FBXO21: variants seen among roughly 807,000 people sequenced by gnomAD.
FBXO21 encodes F-box protein 21.
A neutral mutation model predicts 76.6 loss-of-function variants in FBXO21; 32 were observed. That is an observed-to-expected ratio of 0.42 (90% CI 0.32 to 0.56). FBXO21 has a LOEUF of 0.56. FBXO21 is among the 20% of genes least tolerant of loss of function. FBXO21 has a pLI of 0.16. For missense variants in FBXO21, 586 were observed against 797.3 expected, an observed-to-expected ratio of 0.73 and a Z score of 3.19; for synonymous variants, 328 against 311.5, an observed-to-expected ratio of 1.05 and a Z score of -0.56.
rs1242566778 is a variant in FBXO21, at chr12:117,142,850, A to G, written c.*3237T>C. The G allele has an allele frequency of 2.0e-5, 3 of 152,206 alleles. No homozygotes were observed. Among genetic ancestry groups the G allele is most frequent in the Admixed American group, 2.0e-4 (3 of 15,282 alleles). The allele number at this position is 152,206 out of a possible 1,614,324, so 9.4% of individuals were successfully genotyped here. On this transcript the variant is annotated 3_prime_UTR_variant, in exon 12 of 12. Transcript: ENST00000622495. ...ACATCAGCAGCAGAAAGCCTGCGAC[A>G]CGGCAGCTCTGCTCAGTTTTCTCCG...
rs568354139 is a variant in FBXO21 at position 117,165,230 on chromosome 12, G to A, written c.1326+255C>T. Among the ~76,000 whole-genome samples the A allele has an allele frequency of 3.3e-5, 5 of 152,290 alleles. No individual in the cohort carries two copies. In the East Asian group the frequency reaches 9.7e-4, roughly 29 times the overall value. On this transcript the variant is annotated intron_variant, in intron 9 of 11. Transcript: ENST00000622495. ...ATCTGAGGGCCCCAGTGGTTGAGTA[G>A]CGGGTACAGAGGCTTTGTGGTTCTA...
chr12:117,148,972 A>G (rs1955809405), intron 11 of FBXO21, among the ~76,000 whole-genome samples: 1 of 152,152 alleles, frequency 6.6e-6, no homozygotes, highest in Admixed American at 6.5e-5. Flanking sequence ...AAAAAACAAA[A>G]TGCTGCAAAT....
intron 3 of FBXO21, among the ~76,000 whole-genome samples, chr12:117,182,549 C>A (rs1244515261): frequency 1.4e-5 from 2 of 145,732 alleles, no homozygotes; most frequent in Non-Finnish European, 3.0e-5. Flanking sequence ...CATTGGGAGG[C>A]CACAGCAAGA....
At chr12:117,182,687 C>T (rs1347246538) in intron 3 of FBXO21, among the ~76,000 whole-genome samples, 1 of 151,300 alleles carries the variant, frequency 6.6e-6, no homozygotes, top group African/African-American at 2.4e-5. Flanking sequence ...CTCAGCCTCC[C>T]GAGTAGCCGG....
At chr12:117,161,893 T>G (rs2036311) in intron 9 of FBXO21, among the ~76,000 whole-genome samples, 7 of 152,168 alleles carry the variant, frequency 4.6e-5, no homozygotes, top group Non-Finnish European at 7.4e-5. Context: ...GGGAGTAGCC[T>G]GCAGTGACAG....
intron 7 of FBXO21, 76 bp from the exon 8 acceptor site, chr12:117,167,153 C>A (rs998285764): frequency 8.9e-6 from 10 of 1,120,186 alleles, no homozygotes; most frequent in African/African-American, 3.1e-5. Flanking sequence ...TAGCTCAAAT[C>A]ATGGGCTGAA....
At chr12:117,150,871 CTGTGTGTG>C (rs372253197) in intron 11 of FBXO21, among the ~76,000 whole-genome samples, 3 of 127,630 alleles carry the variant, frequency 2.4e-5, no homozygotes, top group Non-Finnish European at 3.3e-5. Context: ...TGGCCATGGA[CTGTGTGTG>C]TGTGTGTGTG....
chr12:117,190,070 TG>T (rs1239892933), intron 1 of FBXO21, 147 bp downstream of exon 1: 1 of 238,796 alleles, frequency 4.2e-6, no homozygotes, highest in Non-Finnish European at 6.8e-6. Context: ...GTCCGGGGCC[TG>T]GAGGCCTTTG....
intron 3 of FBXO21, among the ~76,000 whole-genome samples, chr12:117,181,599 GTCTATCT>G (rs1234443675): frequency 0.086 from 12,468 of 145,578 alleles, 1,291 homozygotes; most frequent in African/African-American, 0.25. Flanking sequence ...ATCTGAGACA[GTCTATCT>G]ATCTATCTAT....
At position 117,144,831 on chromosome 12, in the gene FBXO21, C is replaced by T. The variant is rs951690408; in HGVS notation, c.*1256G>A. ...ACTTCGGAAAGGAGCCAGTGCCGTC[C>T]GAACACACGGTCAGGCTTTCCCAGA... On this transcript the variant is annotated 3_prime_UTR_variant, in exon 12 of 12. Transcript: ENST00000622495. The T allele has an allele frequency of 6.6e-6, 1 of 152,140 alleles. No homozygotes were observed. Among genetic ancestry groups the T allele is most frequent in the African/African-American group, 2.4e-5 (1 of 41,422 alleles). The allele number at this position is 152,140 out of a possible 1,614,324, so 9.4% of individuals were successfully genotyped here.
rs902384791 is a variant in FBXO21 at position 117,142,463 on chromosome 12, C to G, written c.*3624G>C. 1 of 152,220 alleles carries G rather than the reference C, an allele frequency of 6.6e-6. No individual in the cohort carries two copies. The highest frequency in any genetic ancestry group is 1.5e-5 in the Non-Finnish European group (1 of 68,036). The allele number at this position is 152,220 out of a possible 1,614,324, so 9.4% of individuals were successfully genotyped here. On this transcript the variant is annotated 3_prime_UTR_variant, in exon 12 of 12. Coordinates refer to ENST00000622495, the MANE Select transcript of FBXO21 (RefSeq NM_015002.3). ...AACAGAGAACATGTGACAGTCTGTA[C>G]GTGGCCTGCAAAGCCTAAAATCTTT...
At chr12:117,151,848 A>G (rs1955846235) in intron 11 of FBXO21, among the ~76,000 whole-genome samples, 1 of 149,978 alleles carries the variant, frequency 6.7e-6, no homozygotes, top group Admixed American at 6.7e-5. Context: ...ATTCTCATAC[A>G]AAGATTTAGG....
intron 11 of FBXO21, among the ~76,000 whole-genome samples, chr12:117,153,053 C>T (rs1955862744): frequency 6.6e-6 from 1 of 152,010 alleles, no homozygotes; most frequent in African/African-American, 2.4e-5. Flanking sequence ...GCACTGCCTG[C>T]CGATGAGAAA....
chr12:117,190,006 C>T (rs998142632), intron 1 of FBXO21, among the ~76,000 whole-genome samples: 1 of 152,138 alleles, frequency 6.6e-6, no homozygotes, highest in South Asian at 2.1e-4. Context: ...CTGCGAGGCG[C>T]TCCTAGATGC....
chr12:117,167,868 G>A (rs1956073123), intron 7 of FBXO21, among the ~76,000 whole-genome samples: 1 of 152,212 alleles, frequency 6.6e-6, no homozygotes, highest in Non-Finnish European at 1.5e-5. Context: ...GGAACCCTGT[G>A]CTAGAGCACA....
At chr12:117,151,149 G>C (rs1336248119) in intron 11 of FBXO21, among the ~76,000 whole-genome samples, 1 of 152,166 alleles carries the variant, frequency 6.6e-6, no homozygotes, top group East Asian at 1.9e-4. Flanking sequence ...TTAAGAACGA[G>C]ATTTTCACAT....
chr12:117,178,453 G>A (rs560580653), intron 3 of FBXO21, among the ~76,000 whole-genome samples: 30 of 152,152 alleles, frequency 2.0e-4, no homozygotes, highest in Non-Finnish European at 3.8e-4. Context: ...GCAGTAACAC[G>A]TACGGTCACG....
intron 3 of FBXO21, among the ~76,000 whole-genome samples, chr12:117,182,719 T>G (rs920609495): frequency 7.2e-5 from 11 of 151,922 alleles, no homozygotes; most frequent in Non-Finnish European, 1.6e-4. Flanking sequence ...TGTGCCACCA[T>G]GCCCAGCTAA....
At chr12:117,158,099 T>G (rs1565997854) in intron 9 of FBXO21, 36 bp from the exon 10 acceptor site, 2 of 1,612,264 alleles carry the variant, frequency 1.2e-6, no homozygotes, top group Non-Finnish European at 1.7e-6. Context: ...AAGATAATAT[T>G]TTCAGCTAGG....
Sources: allele counts gnomAD v4.1 joint callset (sites outside exome capture counted in the v4.1 genomes callset), GRCh38; gene constraint gnomAD v4.1.1; transcripts MANE v1.5; gene names NCBI Gene and HGNC (gene_info 2026-07-23, HGNC 2026-07-21).